RASGEF1C: variants seen among roughly 807,000 people sequenced by gnomAD.
RASGEF1C encodes the protein RasGEF domain family member 1C, also known as ras-GEF domain-containing family member 1C.
A neutral mutation model predicts 58.1 loss-of-function variants in RASGEF1C; 27 were observed. The observed-to-expected ratio is 0.46, with a 90% CI of 0.34 to 0.64. RASGEF1C has a LOEUF of 0.64. RASGEF1C is among the 30% of genes least tolerant of loss of function. The pLI is 0.01. For missense variants in RASGEF1C, 502 were observed against 605.1 expected, an observed-to-expected ratio of 0.83 and a Z score of 1.79; for synonymous variants, 243 against 246.3, an observed-to-expected ratio of 0.99 and a Z score of 0.13.
At chr5:180,190,445 G>C (rs10046049) in intron 1 of RASGEF1C, among the ~76,000 whole-genome samples, 40,304 of 133,712 alleles carry the variant, frequency 0.3, 7,188 homozygotes, top group African/African-American at 0.34. Flanking sequence ...AGCTGAGATC[G>C]CGCCACTGCA....
intron 1 of RASGEF1C, among the ~76,000 whole-genome samples, chr5:180,199,107 T>C (rs1293936744): frequency 2.6e-5 from 4 of 152,120 alleles, no homozygotes; most frequent in Non-Finnish European, 4.4e-5. Flanking sequence ...CTGGCAGACA[T>C]GCAGCCCCCA....
rs140960830 is a variant in RASGEF1C, at chr5:180,118,800, A to G, written c.974T>C (p.Phe325Ser). ...KTWAKVRTAKFFILEHQMDPT... is the reference protein window; with the variant it reads ...KTWAKVRTAKSFILEHQMDPT... ...AGCCTCATTTACCTCGAGGATGAAA[A>G]ACTTGGCCGTCCTCACTTTGGCCCA... The change falls in exon 9 of 14, where the codon TTT (phenylalanine) becomes TCT (serine). Residue 325 changes from phenylalanine (F) to serine (S), a missense_variant. Coordinates refer to ENST00000361132, the MANE Select transcript of RASGEF1C (RefSeq NM_175062.4). 4.3e-6 allele frequency: 7 copies of G among 1,614,018 alleles called. No individual in the cohort carries two copies. The African/African-American group carries it at 9.3e-5, about 22-fold the overall frequency.
intron 1 of RASGEF1C, among the ~76,000 whole-genome samples, chr5:180,182,369 G>A (rs886353043): frequency 7.2e-5 from 11 of 152,126 alleles, no homozygotes; most frequent in Non-Finnish European, 1.5e-4. Context: ...GAGTGTTACA[G>A]CTCTTAAAGG....
At chr5:180,169,936 T>C (rs1767079591) in intron 1 of RASGEF1C, among the ~76,000 whole-genome samples, 2 of 152,134 alleles carry the variant, frequency 1.3e-5, no homozygotes, top group South Asian at 4.1e-4. Flanking sequence ...CCGCAGGGCT[T>C]CTGCCTGCCC....
chr5:180,130,353 C>A (rs1281026575), intron 4 of RASGEF1C, among the ~76,000 whole-genome samples: 3 of 152,190 alleles, frequency 2.0e-5, no homozygotes, highest in Admixed American at 2.0e-4. Context: ...GTGGTCGGCA[C>A]ACTGCCTCCC....
intron 1 of RASGEF1C, among the ~76,000 whole-genome samples, chr5:180,146,812 T>C (rs560667086): frequency 6.6e-6 from 1 of 152,198 alleles, no homozygotes; most frequent in African/African-American, 2.4e-5. Context: ...ATCAAGGTGA[T>C]GCTGACCTCA....
intron 1 of RASGEF1C, among the ~76,000 whole-genome samples, chr5:180,140,703 C>T (rs749534844): frequency 2.0e-5 from 3 of 152,204 alleles, no homozygotes; most frequent in Non-Finnish European, 4.4e-5. Context: ...CTCCTCCATC[C>T]GCCAGGGACA....
chr5:180,127,468 G>T (rs1766281669), intron 6 of RASGEF1C, 141 bp downstream of exon 6: 2 of 650,896 alleles, frequency 3.1e-6, no homozygotes, highest in Non-Finnish European at 4.9e-6. Flanking sequence ...GGGCGTGGCG[G>T]AGTGGGCAGG....
intron 12 of RASGEF1C, among the ~76,000 whole-genome samples, chr5:180,106,026 G>A (rs914996338): frequency 1.3e-5 from 2 of 152,236 alleles, no homozygotes; most frequent in Non-Finnish European, 2.9e-5. Context: ...GAGGAACCCA[G>A]TGGGATGACG....
chr5:180,136,860 C>G, intron 3 of RASGEF1C: 1 of 285,898 alleles, frequency 3.5e-6, no homozygotes, highest in Non-Finnish European at 6.6e-6. Context: ...AGCAGGCATA[C>G]GCCATCGTGC....
At chr5:180,170,685 G>A (rs938757481) in intron 1 of RASGEF1C, among the ~76,000 whole-genome samples, 6 of 152,172 alleles carry the variant, frequency 3.9e-5, no homozygotes, top group Admixed American at 6.5e-5. Context: ...GCCCCCCAGC[G>A]GTGCTCTCCC....
rs1438069516 is a variant in RASGEF1C, at chr5:180,168,534, C to T, written c.-6-30476G>A. On this transcript the variant is annotated intron_variant, in intron 1 of 13. Coordinates refer to ENST00000361132, the MANE Select transcript of RASGEF1C (RefSeq NM_175062.4). The surrounding 1 kb of genome is among the most constrained non-coding windows in gnomAD (Gnocchi z 6.0). ...TCCAGTTTCCTGGGGCTCTGCATTTCCGTCGTCGAGCCAGAAAGCTAGGGC... is the reference window on the plus strand; with the variant it reads ...TCCAGTTTCCTGGGGCTCTGCATTTTCGTCGTCGAGCCAGAAAGCTAGGGC... Among the ~76,000 whole-genome samples the T allele has an allele frequency of 1.3e-5, 2 of 152,208 alleles. No individual in the cohort carries two copies. The highest frequency in any genetic ancestry group is 4.8e-5 in the African/African-American group (2 of 41,446).
intron 1 of RASGEF1C, among the ~76,000 whole-genome samples, chr5:180,203,140 G>A (rs1030520240): frequency 1.3e-5 from 2 of 152,294 alleles, no homozygotes; most frequent in South Asian, 2.1e-4. Flanking sequence ...GGTGCTCACC[G>A]GCATGAGCTC....
At chr5:180,193,393 G>A (rs765173066) in intron 1 of RASGEF1C, among the ~76,000 whole-genome samples, 2 of 152,076 alleles carry the variant, frequency 1.3e-5, no homozygotes, top group African/African-American at 4.8e-5. Context: ...CTTTTTTAAC[G>A]TGGCTACTAG....
intron 1 of RASGEF1C, among the ~76,000 whole-genome samples, chr5:180,157,323 A>G (rs966229746): frequency 1.3e-5 from 2 of 152,170 alleles, no homozygotes; most frequent in African/African-American, 2.4e-5. Context: ...AAGTGCTAAA[A>G]AGAAATGAAG....
intron 1 of RASGEF1C, among the ~76,000 whole-genome samples, chr5:180,193,142 A>G (rs13160208): frequency 0.6 from 78,043 of 129,848 alleles, 23,925 homozygotes; most frequent in East Asian, 0.87. Flanking sequence ...TGCAAGCTCC[A>G]CCTCCCGGGT....
chr5:180,170,455 G>A (rs1767091603), intron 1 of RASGEF1C, among the ~76,000 whole-genome samples: 2 of 152,214 alleles, frequency 1.3e-5, no homozygotes, highest in African/African-American at 2.4e-5. Context: ...GGCCAGGGAC[G>A]CAAGTTGTAG....
intron 12 of RASGEF1C, among the ~76,000 whole-genome samples, chr5:180,105,984 A>G (rs1484448254): frequency 6.6e-6 from 1 of 152,236 alleles, no homozygotes; most frequent in African/African-American, 2.4e-5. Context: ...ACACAGCACA[A>G]ATGCCGGGCA....
chr5:180,209,089 G>A lies in RASGEF1C; in HGVS notation c.-68C>T, dbSNP rs1282221249. ...TGGGCAGCTCCCGGTGCGAGCCTCG[G>A]CGCCGCGGACCGGGGCGCCGCCCGC... On this transcript the variant is annotated 5_prime_UTR_variant, in exon 1 of 14. Transcript: ENST00000361132. 1 of 142,554 alleles carries A rather than the reference G, an allele frequency of 7.0e-6. No homozygotes were observed. Among genetic ancestry groups the A allele is most frequent in the Non-Finnish European group, 1.6e-5 (1 of 64,418 alleles). The allele number at this position is 142,554 out of a possible 1,614,324, so 8.8% of individuals were successfully genotyped here.
Sources: allele counts gnomAD v4.1 joint callset (sites outside exome capture counted in the v4.1 genomes callset), GRCh38; gene constraint gnomAD v4.1.1; non-coding constraint Gnocchi (gnomAD v3.1); transcripts MANE v1.5; gene names NCBI Gene and HGNC (gene_info 2026-07-23, HGNC 2026-07-21).